Variants in EIF4EBP2 observed in about 807,000 individuals in gnomAD.
EIF4EBP2 encodes eukaryotic translation initiation factor 4E binding protein 2, also known as eukaryotic translation initiation factor 4E-binding protein 2.
Under a neutral mutation model 10.3 loss-of-function variants are expected in EIF4EBP2, and 5 were observed. The observed-to-expected ratio is 0.48, with a 90% CI of 0.25 to 1.02. The LOEUF (loss-of-function observed/expected upper bound fraction) is 1.02, where lower values mean the gene tolerates loss of function less well. Ranked by LOEUF, EIF4EBP2 falls within the 50% of genes least tolerant of loss-of-function variation. The pLI, the probability that EIF4EBP2 is intolerant of heterozygous loss-of-function variation, is 0.15. For missense variants in EIF4EBP2, 188 were observed against 162.2 expected (o/e 1.16, Z -0.86); for synonymous variants, 67 against 61.1 (o/e 1.10, Z -0.45).
chr10:70,416,955 T>C (rs547338278), intron 1 of EIF4EBP2, among the ~76,000 whole-genome samples: 1 of 152,272 alleles, frequency 6.6e-6, no homozygotes, highest in African/African-American at 2.4e-5. Context: ...GAGCCATGCC[T>C]GGCTAATTCC....
At chr10:70,407,783 C>T (rs2137223201) in intron 1 of EIF4EBP2, among the ~76,000 whole-genome samples, 1 of 145,570 alleles carries the variant, frequency 6.9e-6, no homozygotes. Context: ...AGAGGGGCTC[C>T]TCACTTCCCA....
intron 1 of EIF4EBP2, among the ~76,000 whole-genome samples, chr10:70,414,753 A>G (rs1845076354): frequency 6.6e-6 from 1 of 151,948 alleles, no homozygotes; most frequent in African/African-American, 2.4e-5. Flanking sequence ...CTGTAATCCC[A>G]GCTATTTGGG....
At chr10:70,416,132 A>G (rs1845091608) in intron 1 of EIF4EBP2, among the ~76,000 whole-genome samples, 1 of 152,222 alleles carries the variant, frequency 6.6e-6, no homozygotes, top group African/African-American at 2.4e-5. Flanking sequence ...TGAAAACAGC[A>G]TGTTCAACAT....
At position 70,422,519 on chromosome 10, in the gene EIF4EBP2, CTCT is replaced by C. The variant is rs1346997205; in HGVS notation, c.*779_*781del. On this transcript the variant is annotated 3_prime_UTR_variant, in exon 3 of 3. Coordinates refer to ENST00000373218, the MANE Select transcript of EIF4EBP2 (RefSeq NM_004096.5). ...AGAGAGCCCTTGGTAACCAGTTTTG[CTCT>C]TCTTCTGCCACTCCTCCCTGCTTGC... 1 of 152,150 alleles carries C rather than the reference CTCT, an allele frequency of 6.6e-6. No homozygotes were observed. The highest frequency in any genetic ancestry group is 2.4e-5 in the African/African-American group (1 of 41,432). The allele number at this position is 152,150 out of a possible 1,614,324, so 9.4% of individuals were successfully genotyped here. A position where few individuals can be genotyped will look rare whatever the true frequency, so the allele number is the denominator to read the frequency against.
Position 70,423,484 on chromosome 10 carries a change from T to C in EIF4EBP2, c.*1737T>C, listed in dbSNP as rs1410361582. 1.3e-5 allele frequency: 2 copies of C among 152,566 alleles called. No homozygotes were observed. The highest frequency in any genetic ancestry group is 1.3e-4 in the Admixed American group (2 of 15,280). The allele number at this position is 152,566 out of a possible 1,614,324, so 9.5% of individuals were successfully genotyped here. A position where few individuals can be genotyped will look rare whatever the true frequency, so the allele number is the denominator to read the frequency against. On this transcript the variant is annotated 3_prime_UTR_variant, in exon 3 of 3. Transcript: ENST00000373218. ...AATCCCGGGAGAATGATTCCCCTCA[T>C]AGAAAGACAAAAGCATCCATCCCCT...
chr10:70,427,984 C>G lies in EIF4EBP2; in HGVS notation c.*6237C>G, dbSNP rs536764855. ...CTTTTTTTTTTTTTTTTTTTTAAAG[C>G]CCAGGCCAAGGGTACTTTTAACTGG... is the stretch of plus-strand genomic sequence containing the variant. On this transcript the variant is annotated 3_prime_UTR_variant, in exon 3 of 3. Coordinates refer to ENST00000373218, the MANE Select transcript of EIF4EBP2 (RefSeq NM_004096.5). The G allele has an allele frequency of 2.3e-4, 34 of 146,602 alleles. No individual in the cohort carries two copies. The highest frequency in any genetic ancestry group is 8.2e-4 in the African/African-American group (33 of 40,072). 9.1% of individuals were successfully genotyped at this position (146,602 alleles called of 1,614,324 possible). A position where few individuals can be genotyped will look rare whatever the true frequency, so the allele number is the denominator to read the frequency against.
intron 1 of EIF4EBP2, among the ~76,000 whole-genome samples, chr10:70,414,796 G>A (rs1845076712): frequency 6.6e-6 from 1 of 152,052 alleles, no homozygotes; most frequent in Admixed American, 6.6e-5. Flanking sequence ...TGAACCCAGA[G>A]GGTGGAGGTT....
intron 1 of EIF4EBP2, among the ~76,000 whole-genome samples, chr10:70,409,306 A>ATT (rs574941655): frequency 6.6e-6 from 1 of 150,902 alleles, no homozygotes; most frequent in East Asian, 1.9e-4. Flanking sequence ...CTTGGATTTT[A>ATT]TTTTTTTTTC....
chr10:70,409,142 A>G (rs183072921), intron 1 of EIF4EBP2, among the ~76,000 whole-genome samples: 245 of 152,288 alleles, frequency 1.6e-3, no homozygotes, highest in Non-Finnish European at 2.4e-3. Flanking sequence ...AGCTTTCTCA[A>G]AATTGTCTTT....
chr10:70,413,076 GTT>G, intron 1 of EIF4EBP2, among the ~76,000 whole-genome samples: 1 of 152,224 alleles, frequency 6.6e-6, no homozygotes, highest in African/African-American at 2.4e-5. Flanking sequence ...AGACAATACT[GTT>G]AACTCCCCAT....
At chr10:70,413,862 CATTTT>C (rs1428683252) in intron 1 of EIF4EBP2, among the ~76,000 whole-genome samples, 1 of 152,116 alleles carries the variant, frequency 6.6e-6, no homozygotes, top group Non-Finnish European at 1.5e-5. Context: ...AATCATGCCC[CATTTT>C]AATACTGTGT....
chr10:70,405,201 G>A (rs1844954418), intron 1 of EIF4EBP2, among the ~76,000 whole-genome samples: 1 of 152,152 alleles, frequency 6.6e-6, no homozygotes, highest in South Asian at 2.1e-4. Context: ...GGGGTGGTAG[G>A]GTGCTGACAG....
intron 1 of EIF4EBP2, among the ~76,000 whole-genome samples, chr10:70,406,556 C>T (rs982013571): frequency 6.6e-6 from 1 of 150,744 alleles, no homozygotes; most frequent in Admixed American, 6.6e-5. Flanking sequence ...AGGGAAGAGC[C>T]ACCTAGACAC....
In EIF4EBP2 at chr10:70,421,929, C is replaced by G; in HGVS notation, c.*182C>G. The G allele has an allele frequency of 1.7e-6, 1 of 595,248 alleles. No homozygotes were observed. Among genetic ancestry groups the G allele is most frequent in the South Asian group, 2.1e-5 (1 of 46,740 alleles). The allele number at this position is 595,248 out of a possible 1,614,324, so 36.9% of individuals were successfully genotyped here. On this transcript the variant is annotated 3_prime_UTR_variant, in exon 3 of 3. Transcript: ENST00000373218. Reference sequence around the variant, plus strand: ...GAAGATGAGCTTCATCTGACCATTTCTTCTCCCTGTCTCCTGTTCCCCTTC... The same window carrying G: ...GAAGATGAGCTTCATCTGACCATTTGTTCTCCCTGTCTCCTGTTCCCCTTC...
chr10:70,418,203 A>G (rs746607846), intron 1 of EIF4EBP2, among the ~76,000 whole-genome samples: 10 of 152,192 alleles, frequency 6.6e-5, no homozygotes, highest in Non-Finnish European at 1.5e-4. Flanking sequence ...CCCCCATGTA[A>G]GGGACACAAA....
chr10:70,417,025 C>G (rs542932519), intron 1 of EIF4EBP2, among the ~76,000 whole-genome samples: 2 of 151,988 alleles, frequency 1.3e-5, no homozygotes, highest in Non-Finnish European at 2.9e-5. Flanking sequence ...AAAACTTGTA[C>G]GTGAATGTTA....
At chr10:70,410,982 T>C (rs1314677766) in intron 1 of EIF4EBP2, among the ~76,000 whole-genome samples, 8 of 152,238 alleles carry the variant, frequency 5.3e-5, no homozygotes, top group Admixed American at 3.3e-4. Flanking sequence ...TTTGTATGTA[T>C]GTATTTATAA....
At position 70,414,268 on chromosome 10, in the gene EIF4EBP2, C is replaced by G. The variant is rs148878942; in HGVS notation, c.146-5646C>G. Among the ~76,000 whole-genome samples the G allele has an allele frequency of 1.7e-3, 255 of 152,236 alleles. 4 individuals are homozygous for G. The highest frequency in any genetic ancestry group is 0.011 in the Admixed American group (167 of 15,278). On this transcript the variant is annotated intron_variant, in intron 1 of 2. Coordinates refer to ENST00000373218, the MANE Select transcript of EIF4EBP2 (RefSeq NM_004096.5). ...TTTCTTTTGAATTACACCCTAAAAT[C>G]ATTAGTGATTAACAAGCTGATTCTG...
At chr10:70,414,786 T>G (rs914305447) in intron 1 of EIF4EBP2, among the ~76,000 whole-genome samples, 1 of 152,122 alleles carries the variant, frequency 6.6e-6, no homozygotes, top group Non-Finnish European at 1.5e-5. Flanking sequence ...AAGAATCACT[T>G]GAACCCAGAG....
Sources: gnomAD v4.1 joint callset for allele counts (sites outside exome capture counted in the v4.1 genomes callset) on GRCh38, gnomAD v4.1.1 for gene constraint, MANE v1.5 for transcripts, NCBI Gene and HGNC (gene_info 2026-07-23, HGNC 2026-07-21) for gene names.